Variants in PCDHGA1 observed in about 807,000 individuals in gnomAD.
PCDHGA1 encodes the protein protocadherin gamma subfamily A, 1, also known as protocadherin gamma-A1.
PCDHGA1 carries 32 observed loss-of-function variants against 58.0 expected under a neutral mutation model. That is an observed-to-expected ratio of 0.55 (90% CI 0.42 to 0.74). The LOEUF (loss-of-function observed/expected upper bound fraction) is 0.74, where lower values mean the gene tolerates loss of function less well. PCDHGA1 is among the 30% of genes least tolerant of loss of function. The pLI is 0.00. For synonymous variants in PCDHGA1, 498 were observed against 501.1 expected, an observed-to-expected ratio of 0.99 and a Z score of 0.08; for missense variants, 1,205 against 1,182.3, an observed-to-expected ratio of 1.02 and a Z score of -0.28.
At chr5:141,364,796 T>C in intron 1 of PCDHGA1, 2 of 1,614,046 alleles carry the variant, frequency 1.2e-6, no homozygotes, top group South Asian at 2.2e-5. Context: ...AGTGCTTCCC[T>C]TCGCGCGGGA....
chr5:141,426,513 CG>C, intron 1 of PCDHGA1: 1 of 341,148 alleles, frequency 2.9e-6, no homozygotes, highest in Non-Finnish European at 5.8e-6. Flanking sequence ...AATACTTTAC[CG>C]TGAACACGGA....
At chr5:141,361,701 T>A (rs376967719) in intron 1 of PCDHGA1, 65 of 1,613,296 alleles carry the variant, frequency 4.0e-5, no homozygotes, top group Non-Finnish European at 5.5e-5. Context: ...CCTTCGATCA[T>A]GAGCAGCTGC....
intron 1 of PCDHGA1, chr5:141,366,034 C>T (rs1764274973): frequency 2.5e-6 from 4 of 1,614,144 alleles, no homozygotes; most frequent in Non-Finnish European, 2.5e-6. Flanking sequence ...CCGCCCTCCC[C>T]ACAGACGGTT....
intron 1 of PCDHGA1, chr5:141,362,301 T>C: frequency 6.2e-7 from 1 of 1,614,082 alleles, no homozygotes; most frequent in South Asian, 1.1e-5. Context: ...CCAGGTCAGA[T>C]GCTTGGGACT....
At chr5:141,418,549 C>A in intron 1 of PCDHGA1, 1 of 1,614,024 alleles carries the variant, frequency 6.2e-7, no homozygotes, top group Non-Finnish European at 8.5e-7. Context: ...AGATAAGAAT[C>A]CTGGTAATAG....
At position 141,409,627 on chromosome 5, in the gene PCDHGA1, C is replaced by A. The variant is rs761778894; in HGVS notation, c.2421+76522C>A. ...CAGGAGCCTCCATTGCGCAAGTGAG[C>A]GCCTCTGACCCGGATTTGGGGCTCA... On this transcript the variant is annotated intron_variant, in intron 1 of 3. Coordinates refer to ENST00000517417, the MANE Select transcript of PCDHGA1 (RefSeq NM_018912.3). 5.0e-5 allele frequency: 80 copies of A among 1,613,716 alleles called. No individual in the cohort carries two copies. The Admixed American group carries it at 1.2e-3, about 24-fold the overall frequency.
intron 1 of PCDHGA1, chr5:141,410,847 GTCT>G: frequency 6.3e-6 from 1 of 158,248 alleles, no homozygotes. Context: ...TTTTGTCTTT[GTCT>G]TTTTTTTTTT....
intron 1 of PCDHGA1, among the ~76,000 whole-genome samples, chr5:141,401,714 A>T (rs964631036): frequency 2.0e-5 from 3 of 152,226 alleles, no homozygotes; most frequent in Non-Finnish European, 4.4e-5. Flanking sequence ...CATTTTTAAG[A>T]CAAAAACTAC....
intron 1 of PCDHGA1, chr5:141,415,403 A>C (rs757508926): frequency 4.3e-6 from 7 of 1,614,082 alleles, no homozygotes; most frequent in Non-Finnish European, 4.2e-6. Context: ...TCCGGCTCGC[A>C]CTTTGTGGGC....
chr5:141,400,076 T>C, intron 1 of PCDHGA1: 2 of 1,613,932 alleles, frequency 1.2e-6, no homozygotes, highest in Non-Finnish European at 1.7e-6. Context: ...CAGCCGCCAC[T>C]CTCCGCCACC....
chr5:141,400,027 GC>G (rs746080003), intron 1 of PCDHGA1: 8 of 1,612,664 alleles, frequency 5.0e-6, no homozygotes, highest in Admixed American at 1.7e-5. Flanking sequence ...CAGGGACGCG[GC>G]CCGCCAGCGC....
At chr5:141,421,870 G>A in intron 1 of PCDHGA1, 1 of 1,613,758 alleles carries the variant, frequency 6.2e-7, no homozygotes, top group Non-Finnish European at 8.5e-7. Flanking sequence ...CCTCCTCACA[G>A]CTTTAGATGG....
At chr5:141,410,847 G>GTTTT (rs773839667) in intron 1 of PCDHGA1, 2 of 158,344 alleles carry the variant, frequency 1.3e-5, no homozygotes, top group African/African-American at 1.7e-4. Context: ...TTTTGTCTTT[G>GTTTT]TCTTTTTTTT....
chr5:141,485,106 T>A lies in PCDHGA1; in HGVS notation c.2422-9701T>A, dbSNP rs2099607051. 8.3e-7 allele frequency: 1 copy of A among 1,206,448 alleles called. No individual in the cohort carries two copies. Among genetic ancestry groups the A allele is most frequent in the Admixed American group, 1.8e-5 (1 of 55,050 alleles). 74.7% of individuals were successfully genotyped at this position (1,206,448 alleles called of 1,614,324 possible). On this transcript the variant is annotated intron_variant, in intron 1 of 3. Coordinates refer to ENST00000517417, the MANE Select transcript of PCDHGA1 (RefSeq NM_018912.3). The surrounding 1 kb of genome is among the most constrained non-coding windows in gnomAD (Gnocchi z 5.7). ...GGGAGATAGGTGTCTCCAGCTGCTG[T>A]GGCTGTTTGGGGCGGGTCGGCTTCA...
chr5:141,339,269 G>C (rs373238461), intron 1 of PCDHGA1: 1 of 1,614,172 alleles, frequency 6.2e-7, no homozygotes, highest in Non-Finnish European at 8.5e-7. Flanking sequence ...CGCTCAGAGC[G>C]CACCCTGTCT....
Position 141,431,872 on chromosome 5 carries a change from A to G in PCDHGA1, c.2422-62935A>G, listed in dbSNP as rs2097425104. 5 of 1,614,222 alleles carry G rather than the reference A, an allele frequency of 3.1e-6. No individual in the cohort carries two copies. The highest frequency in any genetic ancestry group is 4.2e-6 in the Non-Finnish European group (5 of 1,180,002). ...GGACATTAATTGCCCTTTTAAATGT[A>G]AATGACCAAGATTCTGAGGAAAACG... On this transcript the variant is annotated intron_variant, in intron 1 of 3. Transcript: ENST00000517417. The surrounding 1 kb of genome is among the most constrained non-coding windows in gnomAD (Gnocchi z 4.8).
intron 1 of PCDHGA1, among the ~76,000 whole-genome samples, chr5:141,480,195 G>C (rs1350891459): frequency 6.6e-6 from 1 of 151,182 alleles, no homozygotes; most frequent in African/African-American, 2.4e-5. Flanking sequence ...CTTGAGGCCA[G>C]CAGTTCAAGA....
At chr5:141,347,768 T>C (rs367671145) in intron 1 of PCDHGA1, among the ~76,000 whole-genome samples, 63 of 147,218 alleles carry the variant, frequency 4.3e-4, no homozygotes, top group African/African-American at 1.5e-3. Context: ...GCTGGGGCAA[T>C]AGAGAGAGAC....
chr5:141,364,302 C>A (rs1763258341), intron 1 of PCDHGA1: 1 of 1,521,598 alleles, frequency 6.6e-7, no homozygotes, highest in African/African-American at 1.4e-5. Context: ...TGAACCAGAA[C>A]TAAGAGAAAA....
Sources: allele counts gnomAD v4.1 joint callset (sites outside exome capture counted in the v4.1 genomes callset), GRCh38; gene constraint gnomAD v4.1.1; non-coding constraint Gnocchi (gnomAD v3.1); transcripts MANE v1.5; gene names NCBI Gene and HGNC (gene_info 2026-07-23, HGNC 2026-07-21).